THADA: variants seen among roughly 807,000 people sequenced by gnomAD.
THADA encodes the protein THADA armadillo repeat containing, also known as tRNA (32-2'-O)-methyltransferase regulator THADA.
THADA carries 213 observed loss-of-function variants against 219.8 expected under a neutral mutation model. The observed-to-expected ratio is 0.97, with a 90% CI of 0.87 to 1.09. The LOEUF is 1.09. Ranked by LOEUF, THADA falls within the 50% of genes least tolerant of loss-of-function variation. The pLI, the probability that THADA is intolerant of heterozygous loss-of-function variation, is 0.00. For missense variants in THADA, 2,956 were observed against 2,311.3 expected, an observed-to-expected ratio of 1.28 and a Z score of -5.72; for synonymous variants, 1,018 against 828.9, an observed-to-expected ratio of 1.23 and a Z score of -3.92.
intron 28 of THADA, among the ~76,000 whole-genome samples, chr2:43,409,006 G>C (rs1236534178): frequency 6.6e-6 from 1 of 152,086 alleles, no homozygotes; most frequent in East Asian, 1.9e-4. Flanking sequence ...CATCATGAAA[G>C]CACCCTTTAC....
intron 15 of THADA, among the ~76,000 whole-genome samples, chr2:43,561,723 A>G (rs1698084457): frequency 6.6e-6 from 1 of 151,998 alleles, no homozygotes; most frequent in South Asian, 2.1e-4. Flanking sequence ...TTGTTTTCCA[A>G]TCTCACTGCT....
chr2:43,537,217 G>A (rs1378519196), intron 21 of THADA, among the ~76,000 whole-genome samples: 1 of 152,158 alleles, frequency 6.6e-6, no homozygotes, highest in Non-Finnish European at 1.5e-5. Flanking sequence ...TTACCAGAAT[G>A]TTTATTCTTT....
chr2:43,272,326 T>C (rs533570582), intron 36 of THADA, among the ~76,000 whole-genome samples: 15 of 152,120 alleles, frequency 9.9e-5, no homozygotes, highest in Non-Finnish European at 2.1e-4. Flanking sequence ...AAGAGCAGTA[T>C]CATCTGTTTT....
At chr2:43,513,682 G>A (rs779289914) in intron 22 of THADA, among the ~76,000 whole-genome samples, 1 of 152,106 alleles carries the variant, frequency 6.6e-6, no homozygotes, top group Non-Finnish European at 1.5e-5. Flanking sequence ...AGAGGAAAGA[G>A]CCTAGAAAGA....
At chr2:43,371,958 T>C (rs890626838) in intron 29 of THADA, 13 of 152,202 alleles carry the variant, frequency 8.5e-5, no homozygotes, top group African/African-American at 3.1e-4. Context: ...GGCCCCAGGA[T>C]ATTCACCTCA....
At chr2:43,583,600 T>C (rs73925554) in intron 7 of THADA, among the ~76,000 whole-genome samples, 25,034 of 152,196 alleles carry the variant, frequency 0.16, 2,656 homozygotes, top group African/African-American at 0.3. Context: ...CTCAAAGATA[T>C]ACTTGTATAT....
intron 20 of THADA, among the ~76,000 whole-genome samples, chr2:43,542,958 C>T (rs1004110188): frequency 6.6e-6 from 1 of 151,546 alleles, no homozygotes. Context: ...TGCTGGTGTG[C>T]TGCACCCATT....
intron 30 of THADA, among the ~76,000 whole-genome samples, chr2:43,329,715 G>A (rs946243560): frequency 2.0e-5 from 3 of 152,120 alleles, no homozygotes; most frequent in African/African-American, 7.2e-5. Flanking sequence ...GTATCTATGT[G>A]TCCCAAACAC....
chr2:43,248,378 C>T (rs1669479023), intron 36 of THADA, among the ~76,000 whole-genome samples: 1 of 151,730 alleles, frequency 6.6e-6, no homozygotes, highest in African/African-American at 2.4e-5. Flanking sequence ...TACAGGCGTG[C>T]ACCACCATGC....
chr2:43,376,936 G>C (rs1385095052), intron 29 of THADA, among the ~76,000 whole-genome samples: 2 of 152,104 alleles, frequency 1.3e-5, no homozygotes, highest in African/African-American at 4.8e-5. Flanking sequence ...TGGTGAGTAA[G>C]GCACGGTCCT....
chr2:43,445,346 C>G (rs947304309), intron 26 of THADA, among the ~76,000 whole-genome samples: 12 of 152,214 alleles, frequency 7.9e-5, no homozygotes, highest in African/African-American at 2.9e-4. Flanking sequence ...TGATTCTGCT[C>G]TTGGAATCCT....
In THADA at chr2:43,515,062, A is replaced by G. The variant is rs1472260216; in HGVS notation, c.3375-6282T>C. Among the ~76,000 whole-genome samples the G allele has an allele frequency of 3.9e-5, 2 of 51,490 alleles. 1 individual carries two copies. The highest frequency in any genetic ancestry group is 7.9e-4 in the Admixed American group (2 of 2,546). The allele number at this position is 51,490 out of a possible 152,430, so 33.8% of individuals were successfully genotyped here. A position where few individuals can be genotyped will look rare whatever the true frequency, so the allele number is the denominator to read the frequency against. On this transcript the variant is annotated intron_variant, in intron 22 of 37. Transcript: ENST00000405975. ...TAAATATATATATTTTATATATAAT[A>G]TATTTTATATATAATATATATAAAT...
intron 21 of THADA, among the ~76,000 whole-genome samples, chr2:43,540,772 G>A (rs532742476): frequency 8.5e-5 from 13 of 152,240 alleles, no homozygotes; most frequent in Middle Eastern, 3.4e-3. Context: ...GGAAACATGA[G>A]ATCCATAATC....
chr2:43,586,584 G>T, intron 6 of THADA, 118 bp downstream of exon 6: 1 of 1,328,484 alleles, frequency 7.5e-7, no homozygotes, highest in Non-Finnish European at 1.0e-6. Flanking sequence ...GAAGGGTCAT[G>T]ATGTACCTAA....
chr2:43,331,953 T>C (rs1226776099), intron 30 of THADA, among the ~76,000 whole-genome samples: 1 of 99,508 alleles, frequency 1.0e-5, no homozygotes, highest in African/African-American at 4.7e-5. Flanking sequence ...ACACATTAGG[T>C]TCCCACAATG....
chr2:43,514,267 T>C (rs1347676985), intron 22 of THADA, among the ~76,000 whole-genome samples: 1 of 150,702 alleles, frequency 6.6e-6, no homozygotes, highest in Non-Finnish European at 1.5e-5. Context: ...CTGGGCAACA[T>C]GGTGAAACAC....
chr2:43,454,223 AAAAC>A lies in THADA; in HGVS notation c.3837-23925_3837-23922del, dbSNP rs576131240. ...TAATTGCAATTAATATGCACTCATT[AAAAC>A]AAACAAGCAATATACAAATAAGTAA... On this transcript the variant is annotated intron_variant, in intron 26 of 37. Coordinates refer to ENST00000405975, the MANE Select transcript of THADA (RefSeq NM_022065.5). 2.0e-4 allele frequency among the ~76,000 whole-genome samples: 30 copies of A among 152,334 alleles called. No individual in the cohort carries two copies. In the South Asian group the frequency reaches 5.6e-3, roughly 28 times the overall value.
chr2:43,386,714 T>C (rs1187442778), intron 29 of THADA, among the ~76,000 whole-genome samples: 1 of 152,018 alleles, frequency 6.6e-6, no homozygotes, highest in East Asian at 1.9e-4. Context: ...GCCAACATGG[T>C]GAAACCCCAT....
At chr2:43,471,211 T>C (rs1320429810) in intron 26 of THADA, among the ~76,000 whole-genome samples, 1 of 152,172 alleles carries the variant, frequency 6.6e-6, no homozygotes, top group African/African-American at 2.4e-5. Context: ...AATTATATCA[T>C]AGAGTATCTC....
Sources: allele counts gnomAD v4.1 joint callset (sites outside exome capture counted in the v4.1 genomes callset), GRCh38; gene constraint gnomAD v4.1.1; transcripts MANE v1.5; gene names NCBI Gene and HGNC (gene_info 2026-07-23, HGNC 2026-07-21).